Variants in OSBPL1A observed in about 807,000 individuals in gnomAD.
The protein encoded by OSBPL1A is oxysterol binding protein like 1A, also known as oxysterol-binding protein-related protein 1.
In OSBPL1A, 80 loss-of-function variants were observed where a neutral mutation model predicts 137.1. The ratio of observed to expected loss-of-function variants is 0.58; its 90% CI spans 0.49 to 0.70. The LOEUF (loss-of-function observed/expected upper bound fraction) is 0.70. Ranked by LOEUF, OSBPL1A falls within the 30% of genes least tolerant of loss-of-function variation. OSBPL1A has a pLI of 0.00. For synonymous variants in OSBPL1A, 365 were observed against 389.7 expected (o/e 0.94, Z 0.75); for missense variants, 970 against 1,129.4 (o/e 0.86, Z 2.02).
chr18:24,339,806 T>C (rs568310412), intron 5 of OSBPL1A, among the ~76,000 whole-genome samples: 1 of 152,330 alleles, frequency 6.6e-6, no homozygotes, highest in African/African-American at 2.4e-5. Context: ...TGCTTGTTCA[T>C]TGATAAGCAG....
intron 2 of OSBPL1A, among the ~76,000 whole-genome samples, chr18:24,374,505 A>AC (rs199711485): frequency 0.019 from 2,946 of 151,282 alleles, 54 homozygotes; most frequent in Non-Finnish European, 0.024. Flanking sequence ...GCAGGAAAAG[A>AC]CCCCCCCTAG....
At chr18:24,216,485 C>T (rs908706275) in intron 17 of OSBPL1A, among the ~76,000 whole-genome samples, 5 of 152,020 alleles carry the variant, frequency 3.3e-5, no homozygotes, top group African/African-American at 4.8e-5. Flanking sequence ...CCAGCCTTGG[C>T]GACAGAGCGA....
chr18:24,266,696 T>C (rs1389267224), intron 15 of OSBPL1A, among the ~76,000 whole-genome samples: 1 of 152,130 alleles, frequency 6.6e-6, no homozygotes, highest in African/African-American at 2.4e-5. Context: ...GTACCTAGAC[T>C]CCATTCATAA....
At chr18:24,388,981 T>A (rs955465483) in intron 1 of OSBPL1A, among the ~76,000 whole-genome samples, 1 of 152,200 alleles carries the variant, frequency 6.6e-6, no homozygotes, top group Non-Finnish European at 1.5e-5. Flanking sequence ...CAAGATTGAT[T>A]TTTTAAGGAA....
chr18:24,275,916 A>C (rs1278707458), intron 15 of OSBPL1A, among the ~76,000 whole-genome samples: 1 of 151,946 alleles, frequency 6.6e-6, no homozygotes, highest in Non-Finnish European at 1.5e-5. Flanking sequence ...TTTAGTAGAG[A>C]CGAGGTTTCA....
chr18:24,222,869 T>C (rs1444815841), intron 17 of OSBPL1A, among the ~76,000 whole-genome samples: 1 of 152,128 alleles, frequency 6.6e-6, no homozygotes, highest in African/African-American at 2.4e-5. Flanking sequence ...TAAATTTATG[T>C]ATTTCCCAGG....
intron 14 of OSBPL1A, among the ~76,000 whole-genome samples, chr18:24,284,569 G>A (rs987391643): frequency 6.6e-6 from 1 of 151,694 alleles, no homozygotes; most frequent in Non-Finnish European, 1.5e-5. Flanking sequence ...GAAAACACTT[G>A]TTTCTTTATG....
intron 15 of OSBPL1A, among the ~76,000 whole-genome samples, chr18:24,266,126 G>C (rs2089564275): frequency 6.6e-6 from 1 of 152,224 alleles, no homozygotes; most frequent in Admixed American, 6.5e-5. Context: ...AAGTTGCCCA[G>C]AGTCAAAGAG....
intron 4 of OSBPL1A, among the ~76,000 whole-genome samples, chr18:24,359,527 A>T (rs2091590125): frequency 6.6e-6 from 1 of 151,666 alleles, no homozygotes. Context: ...CCCTGTCTCT[A>T]CAAAAGATTT....
chr18:24,165,070 C>T lies in OSBPL1A; in HGVS notation c.2745G>A (p.Lys915=). 6.2e-7 allele frequency: 1 copy of T among 1,614,192 alleles called. No individual in the cohort carries two copies. Among genetic ancestry groups the T allele is most frequent in the Non-Finnish European group, 8.5e-7 (1 of 1,180,036 alleles). The part of the protein sequence containing the change: ...KNRSKSEEDW[K]TRWFHQGPNP... ...CCCCTGACTCAGGCACGCACCTCGT[C>T]TTCCAGTCCTCTTCTGACTTGGACC... Residue 915 remains lysine, a synonymous_variant, in exon 27 of 28, where the codon AAG becomes AAA. Transcript: ENST00000319481.
chr18:24,371,243 C>A (rs1162948330), intron 2 of OSBPL1A, among the ~76,000 whole-genome samples: 2 of 152,202 alleles, frequency 1.3e-5, no homozygotes, highest in African/African-American at 4.8e-5. Flanking sequence ...CTCACACTAG[C>A]TGAAGGCACT....
At chr18:24,329,692 G>T (rs2091041986) in intron 7 of OSBPL1A, among the ~76,000 whole-genome samples, 1 of 151,770 alleles carries the variant, frequency 6.6e-6, no homozygotes, top group Admixed American at 6.6e-5. Flanking sequence ...ATTAAACATA[G>T]GTACACTGGC....
intron 14 of OSBPL1A, among the ~76,000 whole-genome samples, chr18:24,292,840 T>C (rs1171444333): frequency 6.6e-6 from 1 of 152,118 alleles, no homozygotes; most frequent in African/African-American, 2.4e-5. Flanking sequence ...GCACAGTGGC[T>C]CACGCCTGTA....
chr18:24,322,213 T>C lies in OSBPL1A; in HGVS notation c.626-3404A>G, dbSNP rs373761937. 1.3e-4 allele frequency among the ~76,000 whole-genome samples: 19 copies of C among 150,662 alleles called. No individual in the cohort carries two copies. The East Asian group carries it at 3.5e-3, about 28-fold the overall frequency. ...CAAGCTCTGCCTCCCGGGTTCATGC[T>C]ATTCTCCTGCCTCAGCCTCCTGAGT... is the stretch of plus-strand genomic sequence containing the variant. On this transcript the variant is annotated intron_variant, in intron 7 of 27. Transcript: ENST00000319481.
intron 15 of OSBPL1A, among the ~76,000 whole-genome samples, chr18:24,239,905 A>G (rs2088630696): frequency 6.8e-6 from 1 of 147,528 alleles, no homozygotes; most frequent in South Asian, 2.1e-4. Flanking sequence ...GACTACAAAC[A>G]TTCTATTTTT....
chr18:24,226,339 C>T (rs2088076251), intron 16 of OSBPL1A, among the ~76,000 whole-genome samples: 1 of 152,184 alleles, frequency 6.6e-6, no homozygotes, highest in Non-Finnish European at 1.5e-5. Flanking sequence ...TTTCTGACTC[C>T]TTGTTTAATG....
At position 24,280,949 on chromosome 18, in the gene OSBPL1A, C is replaced by A; in HGVS notation, c.1175-1G>T. 1 of 1,580,938 alleles carries A rather than the reference C, an allele frequency of 6.3e-7. No individual in the cohort carries two copies. The highest frequency in any genetic ancestry group is 8.6e-7 in the Non-Finnish European group (1 of 1,166,590). On this transcript the variant is annotated splice_acceptor_variant, in intron 14 of 27. Transcript: ENST00000319481. LOFTEE classifies it high-confidence loss of function. ...TTCTGAAGAAATGATGGAAGCATTT[C>A]TATAAAGAAAAAAATAAATACAGTG...
Position 24,225,350 on chromosome 18 carries a change from T to C in OSBPL1A, c.1445-152A>G. The C allele has an allele frequency of 5.7e-6, 4 of 704,082 alleles. No individual in the cohort carries two copies. In the Admixed American group the frequency reaches 8.5e-5, roughly 15 times the overall value. The allele number at this position is 704,082 out of a possible 1,614,324, so 43.6% of individuals were successfully genotyped here. A position where few individuals can be genotyped will look rare whatever the true frequency, so the allele number is the denominator to read the frequency against. ...TCTGTTAACTACCTCCTCAGGGATT[T>C]CACAGAACCTGCACCTAATATAAGG... On this transcript the variant is annotated intron_variant, in intron 16 of 27. Transcript: ENST00000319481.
intron 16 of OSBPL1A, among the ~76,000 whole-genome samples, chr18:24,226,673 A>T (rs2088086361): frequency 6.6e-6 from 1 of 152,178 alleles, no homozygotes; most frequent in Admixed American, 6.5e-5. Flanking sequence ...CTGTTACCAC[A>T]TTAGGCTGAC....
Sources: allele counts gnomAD v4.1 joint callset (sites outside exome capture counted in the v4.1 genomes callset), GRCh38; gene constraint gnomAD v4.1.1; transcripts MANE v1.5; gene names NCBI Gene and HGNC (gene_info 2026-07-23, HGNC 2026-07-21).